Variants in WWOX observed in about 807,000 individuals in gnomAD.
WWOX encodes WW domain-containing oxidoreductase.
WWOX carries 69 observed loss-of-function variants against 46.2 expected under a neutral mutation model. That is an observed-to-expected ratio of 1.49 (90% CI 1.23 to 1.82). The LOEUF is 1.82. Among genes scored for constraint, WWOX ranks in the 40% most tolerant of loss-of-function variants. The probability of loss-of-function intolerance (pLI) is 0.00; values close to 1 mark genes in which losing one functional copy is unlikely to be tolerated. For synonymous variants in WWOX, 359 were observed against 202.6 expected, an observed-to-expected ratio of 1.77 and a Z score of -6.56; for missense variants, 919 against 542.6, an observed-to-expected ratio of 1.69 and a Z score of -6.89.
At chr16:78,548,012 G>A (rs568260519) in intron 8 of WWOX, among the ~76,000 whole-genome samples, 8 of 151,996 alleles carry the variant, frequency 5.3e-5, no homozygotes, top group Non-Finnish European at 8.8e-5. Context: ...AAAATTAGCC[G>A]GGTGTGGTGG....
intron 5 of WWOX, among the ~76,000 whole-genome samples, chr16:78,221,261 T>G (rs1281619322): frequency 6.6e-6 from 1 of 152,174 alleles, no homozygotes; most frequent in Non-Finnish European, 1.5e-5. Flanking sequence ...TTTCTATAAT[T>G]TCTATTTGTA....
chr16:79,015,473 TA>T (rs2047394903), intron 8 of WWOX, among the ~76,000 whole-genome samples: 1 of 152,206 alleles, frequency 6.6e-6, no homozygotes, highest in African/African-American at 2.4e-5. Context: ...TGCTGCATAG[TA>T]GGTGCTCAAT....
At chr16:78,441,959 AGTGTGTGTGTGTGT>A (rs145693201) in intron 8 of WWOX, among the ~76,000 whole-genome samples, 4 of 139,690 alleles carry the variant, frequency 2.9e-5, no homozygotes, top group South Asian at 2.3e-4. Flanking sequence ...TATGCGCATG[AGTGTGTGTGTGTGT>A]GTGTGTGTGT....
chr16:79,073,785 C>G (rs576617250), intron 8 of WWOX, among the ~76,000 whole-genome samples: 109 of 152,252 alleles, frequency 7.2e-4, no homozygotes, highest in Non-Finnish European at 1.5e-3. Flanking sequence ...AACTGATCCA[C>G]TGAGAGATAA....
At chr16:78,246,308 C>T (rs2037812897) in intron 5 of WWOX, among the ~76,000 whole-genome samples, 1 of 152,170 alleles carries the variant, frequency 6.6e-6, no homozygotes, top group Admixed American at 6.5e-5. Context: ...CCCAGTTTGC[C>T]AGGTCCTAAC....
chr16:78,674,679 G>C (rs557390093), intron 8 of WWOX, among the ~76,000 whole-genome samples: 2 of 152,068 alleles, frequency 1.3e-5, no homozygotes, highest in Non-Finnish European at 2.9e-5. Flanking sequence ...AACCTAACCT[G>C]TTTTAAAATA....
At chr16:78,164,617 T>G (rs1370330116) in intron 5 of WWOX, among the ~76,000 whole-genome samples, 1 of 152,220 alleles carries the variant, frequency 6.6e-6, no homozygotes, top group Non-Finnish European at 1.5e-5. Context: ...CTTATGGTTG[T>G]TAAGATTAGA....
Position 78,386,925 on chromosome 16 carries a change from T to A in WWOX, c.582T>A (p.Ala194=). The A allele has an allele frequency of 6.2e-7, 1 of 1,614,166 alleles. No individual in the cohort carries two copies. ...LALLRSVQHF[A]EAFKAKNVPL... ...TGCTCCGTAGCGTGCAGCATTTTGCTGAAGCATTCAAGGCCAAGAATGTGT... is the reference window on the plus strand; with the variant it reads ...TGCTCCGTAGCGTGCAGCATTTTGCAGAAGCATTCAAGGCCAAGAATGTGT... The change falls in exon 6 of 9, where the codon GCT becomes GCA. Residue 194 remains alanine, a synonymous_variant. Coordinates refer to ENST00000566780, the MANE Select transcript of WWOX (RefSeq NM_016373.4).
At chr16:78,342,498 C>T (rs80252097) in intron 5 of WWOX, among the ~76,000 whole-genome samples, 13,656 of 119,452 alleles carry the variant, frequency 0.11, 4,132 homozygotes, top group East Asian at 0.21. Context: ...CATCAACATT[C>T]CACTGGCGAG....
At chr16:79,165,458 T>TA (rs1177016201) in intron 8 of WWOX, among the ~76,000 whole-genome samples, 2 of 152,284 alleles carry the variant, frequency 1.3e-5, no homozygotes, top group South Asian at 2.1e-4. Context: ...TAAATGTCTA[T>TA]AAAAAAATAC....
chr16:78,452,704 G>A (rs967551662), intron 8 of WWOX, among the ~76,000 whole-genome samples: 1 of 151,148 alleles, frequency 6.6e-6, no homozygotes, highest in African/African-American at 2.4e-5. Flanking sequence ...TCGAATTCCT[G>A]ACCTCCATGT....
intron 8 of WWOX, among the ~76,000 whole-genome samples, chr16:78,785,970 G>A (rs200535729): frequency 2.0e-5 from 3 of 152,190 alleles, no homozygotes; most frequent in South Asian, 2.1e-4. Flanking sequence ...GCAGTGGCGC[G>A]ATCTCTGCTC....
chr16:78,820,540 T>A (rs2051465203), intron 8 of WWOX, among the ~76,000 whole-genome samples: 1 of 152,128 alleles, frequency 6.6e-6, no homozygotes, highest in Non-Finnish European at 1.5e-5. Flanking sequence ...TTTAGGTGGT[T>A]TTTATTGGGA....
intron 6 of WWOX, among the ~76,000 whole-genome samples, chr16:78,389,842 T>G (rs2082142437): frequency 2.0e-5 from 3 of 152,258 alleles, no homozygotes; most frequent in South Asian, 4.1e-4. Flanking sequence ...CCTCTGGCCT[T>G]GGGTTCAAGC....
intron 4 of WWOX, among the ~76,000 whole-genome samples, chr16:78,137,536 T>C (rs894451597): frequency 6.6e-6 from 1 of 152,190 alleles, no homozygotes; most frequent in African/African-American, 2.4e-5. Flanking sequence ...CAAGTTCTTA[T>C]TTTCTTCTTA....
intron 8 of WWOX, among the ~76,000 whole-genome samples, chr16:78,946,393 G>T (rs762581121): frequency 3.3e-5 from 5 of 152,094 alleles, no homozygotes; most frequent in Non-Finnish European, 7.4e-5. Flanking sequence ...GTTTCACCAT[G>T]TTGGCCAGGC....
intron 5 of WWOX, among the ~76,000 whole-genome samples, chr16:78,300,564 C>G (rs2080022442): frequency 6.6e-6 from 1 of 151,872 alleles, no homozygotes; most frequent in Non-Finnish European, 1.5e-5. Flanking sequence ...CCCTCCCTTC[C>G]CTCTCTTCCT....
At chr16:78,258,989 C>T (rs1246778533) in intron 5 of WWOX, among the ~76,000 whole-genome samples, 2 of 152,330 alleles carry the variant, frequency 1.3e-5, no homozygotes, top group Non-Finnish European at 1.5e-5. Flanking sequence ...GAGAACTTCT[C>T]ATTCCTTACC....
intron 5 of WWOX, among the ~76,000 whole-genome samples, chr16:78,381,933 A>G (rs983383784): frequency 3.3e-5 from 5 of 152,146 alleles, no homozygotes; most frequent in African/African-American, 4.8e-5. Flanking sequence ...TGGCACGATC[A>G]TGTCTCACGG....
Sources: allele counts gnomAD v4.1 joint callset (sites outside exome capture counted in the v4.1 genomes callset), GRCh38; gene constraint gnomAD v4.1.1; transcripts MANE v1.5; gene names NCBI Gene and HGNC (gene_info 2026-07-23, HGNC 2026-07-21).